The following SH3BGRL variants were observed in gnomAD, a reference collection of about 807,000 sequenced individuals.
SH3BGRL encodes the protein SH3 domain binding glutamate rich protein like.
Under a neutral mutation model 9.8 loss-of-function variants are expected in SH3BGRL, and 7 were observed. That is an observed-to-expected ratio of 0.72 (90% CI 0.41 to 1.35). SH3BGRL has a LOEUF of 1.35. Among genes scored for constraint, SH3BGRL ranks in the 40% most tolerant of loss-of-function variants. The pLI is 0.01. For missense variants in SH3BGRL, 73 were observed against 84.4 expected, an observed-to-expected ratio of 0.86 and a Z score of 0.53; for synonymous variants, 36 against 29.1, an observed-to-expected ratio of 1.24 and a Z score of -0.76.
intron 3 of SH3BGRL, among the ~76,000 whole-genome samples, chrX:81,282,884 C>G (rs2075822259): frequency 1.8e-5 from 2 of 111,812 alleles, no homozygotes; most frequent in Admixed American, 1.9e-4. Context: ...AAACAAAAAG[C>G]TGGTTCTTTG....
chrX:81,262,456 C>T (rs183212114), intron 1 of SH3BGRL, among the ~76,000 whole-genome samples: 10 of 111,398 alleles, frequency 9.0e-5, no homozygotes, highest in African/African-American at 2.3e-4. Context: ...GGACATTCTA[C>T]GAAATACTTA....
rs1159496148 is a variant in SH3BGRL, at chrX:81,274,593, GA to G, written c.46-2380del. On this transcript the variant is annotated intron_variant, in intron 1 of 3. Transcript: ENST00000373212. ...GGCGACAGAGCTAGACTCTGTCTCA[GA>G]AAAAAAAAAAGCAATAATTATTTAT... Among the ~76,000 whole-genome samples the G allele has an allele frequency of 1.5e-3, 154 of 99,409 alleles. 1 individual carries two copies. The highest frequency in any genetic ancestry group is 3.1e-3 in the South Asian group (7 of 2,253). 86.3% of individuals were successfully genotyped at this position (99,409 alleles called of 115,157 possible). A position where few individuals can be genotyped will look rare whatever the true frequency, so the allele number is the denominator to read the frequency against.
At chrX:81,238,055 T>C (rs2067415480) in intron 1 of SH3BGRL, among the ~76,000 whole-genome samples, 1 of 109,178 alleles carries the variant, frequency 9.2e-6, no homozygotes, top group Admixed American at 9.8e-5. Context: ...ATTTGCTAAC[T>C]AAAGAGGCCT....
At chrX:81,204,846 T>G (rs1412612293) in intron 1 of SH3BGRL, among the ~76,000 whole-genome samples, 2 of 112,015 alleles carry the variant, frequency 1.8e-5, no homozygotes, top group East Asian at 5.6e-4. Flanking sequence ...ACAAAAAAAG[T>G]GGCCTAATAG....
chrX:81,204,295 C>T (rs1026579646), intron 1 of SH3BGRL, among the ~76,000 whole-genome samples: 1 of 111,697 alleles, frequency 9.0e-6, no homozygotes, highest in Non-Finnish European at 1.9e-5. Context: ...TTAAATAATA[C>T]CAAAACAGTG....
chrX:81,229,592 G>C (rs762991835), intron 1 of SH3BGRL, among the ~76,000 whole-genome samples: 82 of 111,601 alleles, frequency 7.3e-4, no homozygotes, highest in Non-Finnish European at 7.3e-4. Context: ...GCTGCTCAGT[G>C]GCCGGGCTGT....
At chrX:81,296,135 A>G (rs985611661) in intron 3 of SH3BGRL, among the ~76,000 whole-genome samples, 3 of 111,400 alleles carry the variant, frequency 2.7e-5, no homozygotes, top group African/African-American at 9.8e-5. Context: ...GGTGAAGGGG[A>G]AGGAAGCACG....
chrX:81,244,757 G>A (rs749928153), intron 1 of SH3BGRL, among the ~76,000 whole-genome samples: 20 of 111,025 alleles, frequency 1.8e-4, no homozygotes, highest in Non-Finnish European at 3.4e-4. Context: ...CCATCAACCC[G>A]TCATCTACAT....
chrX:81,227,709 A>G (rs1180012884), intron 1 of SH3BGRL, among the ~76,000 whole-genome samples: 1 of 112,304 alleles, frequency 8.9e-6, no homozygotes, highest in African/African-American at 3.2e-5. Flanking sequence ...ACTTGCAAAT[A>G]CTGTTAAAAT....
chrX:81,236,901 GA>G (rs1469583699), intron 1 of SH3BGRL, among the ~76,000 whole-genome samples: 6 of 57,663 alleles, frequency 1.0e-4, no homozygotes, highest in Admixed American at 5.3e-4. Flanking sequence ...GAGGCTGAGG[GA>G]GAGAGAGAGA....
At chrX:81,261,881 C>G (rs1425778430) in intron 1 of SH3BGRL, among the ~76,000 whole-genome samples, 2 of 111,315 alleles carry the variant, frequency 1.8e-5, no homozygotes, top group East Asian at 5.6e-4. Context: ...AAAAAAGTGA[C>G]TAAAAACATA....
At chrX:81,267,322 A>G (rs768111190) in intron 1 of SH3BGRL, among the ~76,000 whole-genome samples, 2 of 112,112 alleles carry the variant, frequency 1.8e-5, no homozygotes, top group Admixed American at 9.5e-5. Context: ...TTGCCCATTC[A>G]GTATGACATC....
At chrX:81,258,584 C>T (rs1208645612) in intron 1 of SH3BGRL, among the ~76,000 whole-genome samples, 2 of 112,330 alleles carry the variant, frequency 1.8e-5, no homozygotes, top group South Asian at 3.6e-4. Flanking sequence ...CTTAACCTGT[C>T]CTAAATCAAG....
At chrX:81,207,992 C>T (rs2075552326) in intron 1 of SH3BGRL, among the ~76,000 whole-genome samples, 1 of 111,711 alleles carries the variant, frequency 9.0e-6, no homozygotes, top group East Asian at 2.8e-4. Context: ...CACGGTGGCT[C>T]ACATCTGTAA....
chrX:81,282,008 A>AC (rs1303476932), intron 3 of SH3BGRL, among the ~76,000 whole-genome samples: 1 of 111,954 alleles, frequency 8.9e-6, no homozygotes, highest in Non-Finnish European at 1.9e-5. Flanking sequence ...GCATATGGAC[A>AC]CCAAATGAGA....
intron 1 of SH3BGRL, among the ~76,000 whole-genome samples, chrX:81,230,907 TA>T (rs959766692): frequency 9.0e-5 from 10 of 110,843 alleles, no homozygotes; most frequent in Admixed American, 5.8e-4. Context: ...TTCTTTAAGA[TA>T]AAAAAAAATC....
intron 1 of SH3BGRL, among the ~76,000 whole-genome samples, chrX:81,202,943 C>T (rs1041738855): frequency 1.8e-5 from 2 of 111,528 alleles, no homozygotes; most frequent in African/African-American, 6.5e-5. Context: ...TTTTAAATTT[C>T]TCTCACTGCT....
chrX:81,280,295 C>A (rs1245754765), intron 3 of SH3BGRL, among the ~76,000 whole-genome samples: 1 of 111,052 alleles, frequency 9.0e-6, no homozygotes, highest in African/African-American at 3.3e-5. Flanking sequence ...TAGGGCCCTG[C>A]CTACTGCGGG....
intron 1 of SH3BGRL, among the ~76,000 whole-genome samples, chrX:81,238,812 G>GAC (rs2075657420): frequency 9.1e-6 from 1 of 109,835 alleles, no homozygotes; most frequent in Non-Finnish European, 1.9e-5. Context: ...GAGAGAGAGA[G>GAC]AGAGAGAGAG....
Sources: allele counts gnomAD v4.1 joint callset (sites outside exome capture counted in the v4.1 genomes callset), GRCh38; gene constraint gnomAD v4.1.1; transcripts MANE v1.5; gene names NCBI Gene and HGNC (gene_info 2026-07-23, HGNC 2026-07-21).